Variants in ADAM33 observed in about 807,000 individuals in gnomAD.
ADAM33 encodes disintegrin and metalloproteinase domain-containing protein 33.
ADAM33 carries 103 observed loss-of-function variants against 106.2 expected under a neutral mutation model. The observed-to-expected ratio is 0.97, with a 90% confidence interval of 0.83 to 1.14. The LOEUF (loss-of-function observed/expected upper bound fraction) is 1.14, where lower values mean the gene tolerates loss of function less well. Among genes scored for constraint, ADAM33 ranks in the 50% most tolerant of loss-of-function variants. The probability of loss-of-function intolerance (pLI) is 0.00; values close to 1 mark genes in which losing one functional copy is unlikely to be tolerated. For synonymous variants in ADAM33, 483 were observed against 453.0 expected, an observed-to-expected ratio of 1.07 and a Z score of -0.84; for missense variants, 1,120 against 1,096.6, an observed-to-expected ratio of 1.02 and a Z score of -0.30.
At chr20:3,670,116 G>A (rs554019852) in intron 19 of ADAM33, 2 of 206,396 alleles carry the variant, frequency 9.7e-6, no homozygotes, top group Non-Finnish European at 2.0e-5. Flanking sequence ...CTCCCGCCTG[G>A]GGATGAGAAG....
Position 3,672,731 on chromosome 20 carries a change from C to G in ADAM33, c.1301G>C (p.Gly434Ala), listed in dbSNP as rs748244032. 12 of 1,575,722 alleles carry G rather than the reference C, an allele frequency of 7.6e-6. No individual in the cohort carries two copies. In the East Asian group the frequency reaches 1.6e-4, roughly 21 times the overall value. The change falls in exon 12 of 22, where the codon GGC becomes GCC. Residue 434 changes from glycine to alanine, a missense_variant. By Grantham distance (60) the Gly-to-Ala change is moderately conservative. Transcript: ENST00000356518. Reference protein sequence around the residue: ...FVEAGEECDCGPGQECRDLCC... With the variant: ...FVEAGEECDCAPGQECRDLCC... ...GCGAGCCGACTTAACCTGGCCAGGG[C>G]CGCAGTCACACTCCTCGCCCGCTTC...
intron 1 of ADAM33, 139 bp downstream of exon 1, chr20:3,681,769 A>G: frequency 7.6e-7 from 1 of 1,312,712 alleles, no homozygotes; most frequent in Non-Finnish European, 9.9e-7. Context: ...AAGAGTCCCC[A>G]CGCCCTGACC....
intron 1 of ADAM33, 74 bp from the exon 2 acceptor site, chr20:3,679,645 G>A: frequency 2.9e-6 from 4 of 1,370,296 alleles, no homozygotes; most frequent in East Asian, 2.5e-5. Flanking sequence ...AGAGGGAGGG[G>A]GGTAGAGGAC....
At position 3,672,580 on chromosome 20, in the gene ADAM33, G is replaced by C; in HGVS notation, c.1358C>G (p.Pro453Arg). ...CCFAHNCSLRPGAQCAHGDCC... is the reference protein window; with the variant it reads ...CCFAHNCSLRRGAQCAHGDCC... Reference sequence around the variant, plus strand: ...GTCCCCGTGGGCGCACTGGGCCCCCGGGCGCAGCGAGCAGTTGTGAGCAAA... The same window carrying C: ...GTCCCCGTGGGCGCACTGGGCCCCCCGGCGCAGCGAGCAGTTGTGAGCAAA... Residue 453 changes from proline (P) to arginine (R), a missense_variant, in exon 13 of 22, where the codon CCG becomes CGG. Physicochemically the swap from Pro to Arg is moderately radical, Grantham distance 103. Transcript: ENST00000356518. 3.1e-6 allele frequency: 5 copies of C among 1,613,578 alleles called. No homozygotes were observed. The highest frequency in any genetic ancestry group is 1.1e-5 in the South Asian group (1 of 91,072).
In ADAM33 at chr20:3,674,803, C is replaced by G; in HGVS notation, c.380G>C (p.Trp127Ser). The stretch of plus-strand genomic sequence containing the variant: ...CCCAGAGCAGGTGCAGAGGACTACC[C>G]AGGAGTCGGGGAAGCCCCTTACTCG... The part of the protein sequence containing the change: ...QGRVRGFPDS[W>S]VVLCTCSGMS... The change falls in exon 5 of 22, where the codon TGG becomes TCG. Residue 127 changes from tryptophan (W) to serine (S), a missense_variant. By Grantham distance (177) the Trp-to-Ser change is radical. Coordinates refer to ENST00000356518, the MANE Select transcript of ADAM33 (RefSeq NM_025220.5). 6.2e-7 allele frequency: 1 copy of G among 1,611,162 alleles called. No individual in the cohort carries two copies. The highest frequency in any genetic ancestry group is 2.2e-5 in the East Asian group (1 of 44,866).
intron 1 of ADAM33, 131 bp downstream of exon 1, chr20:3,681,777 A>AC: frequency 1.5e-6 from 2 of 1,340,748 alleles, no homozygotes; most frequent in Non-Finnish European, 1.9e-6. Flanking sequence ...CCACGCCCTG[A>AC]CCTACTGGCC....
In ADAM33 at chr20:3,675,786, A is replaced by G. The variant is rs2087902712; in HGVS notation, c.255-681T>C. ...ACACGGATGGATCAATCATAAGTCA[A>G]TCTGTCTTCTTTAAAGAAAATCCTT... On this transcript the variant is annotated intron_variant, in intron 3 of 21. Coordinates refer to ENST00000356518, the MANE Select transcript of ADAM33 (RefSeq NM_025220.5). The surrounding 1 kb of genome is among the most constrained non-coding windows in gnomAD (Gnocchi z 4.1). Among the ~76,000 whole-genome samples the G allele has an allele frequency of 6.6e-6, 1 of 152,102 alleles. No individual in the cohort carries two copies. The highest frequency in any genetic ancestry group is 1.5e-5 in the Non-Finnish European group (1 of 68,018).
At chr20:3,673,296 C>G in intron 11 of ADAM33, 58 bp downstream of exon 11, 5 of 1,534,780 alleles carry the variant, frequency 3.3e-6, no homozygotes, top group Non-Finnish European at 4.4e-6. Context: ...AGAAACGCAG[C>G]GGAGGAAGTC....
intron 11 of ADAM33, 98 bp from the exon 12 acceptor site, chr20:3,672,996 G>A (rs944904113): frequency 1.0e-5 from 15 of 1,439,380 alleles, no homozygotes; most frequent in Admixed American, 2.8e-5. Flanking sequence ...GCCGCCAGAC[G>A]CGCAGAGCCC....
chr20:3,681,149 T>A (rs2088457372), intron 1 of ADAM33, among the ~76,000 whole-genome samples: 1 of 152,146 alleles, frequency 6.6e-6, no homozygotes, highest in Non-Finnish European at 1.5e-5. Context: ...CCCTCCCTGG[T>A]TGCCCTCCCT....
chr20:3,679,048 C>T (rs2088218404), intron 2 of ADAM33, among the ~76,000 whole-genome samples: 2 of 151,866 alleles, frequency 1.3e-5, no homozygotes, highest in African/African-American at 4.8e-5. Context: ...AAGGTTCAGG[C>T]CTTCGTGGCA....
In ADAM33 at chr20:3,673,910, A is replaced by C; in HGVS notation, c.740T>G (p.Leu247Arg). 6.4e-7 allele frequency: 1 copy of C among 1,567,266 alleles called. No homozygotes were observed. The highest frequency in any genetic ancestry group is 1.2e-5 in the South Asian group (1 of 85,530). Residue 247 changes from leucine (L) to arginine (R), a missense_variant and splice_region_variant, in exon 9 of 22, where the codon CTT (leucine) becomes CGT (arginine). By Grantham distance (102) the Leu-to-Arg change is moderately radical (BLOSUM62 -2). Coordinates refer to ENST00000356518, the MANE Select transcript of ADAM33 (RefSeq NM_025220.5). ...CACCTGAATGTCCAGAGTCCTGAGAAGCTGAGGGCGAGGCGGGGCTGAAGC... is the reference window on the plus strand; with the variant it reads ...CACCTGAATGTCCAGAGTCCTGAGACGCTGAGGGCGAGGCGGGGCTGAAGC... ...LLEVANYVDQLLRTLDIQVAL... is the reference protein window; with the variant it reads ...LLEVANYVDQRLRTLDIQVAL...
intron 20 of ADAM33, 49 bp from the exon 21 acceptor site, chr20:3,669,419 C>A (rs630712): frequency 0.87 from 1,363,110 of 1,570,090 alleles, 593,534 homozygotes; most frequent in African/African-American, 0.93. Flanking sequence ...TCAGCAGGAG[C>A]CCCTGGGGCT....
At chr20:3,676,217 C>T (rs974730822) in intron 3 of ADAM33, among the ~76,000 whole-genome samples, 2 of 152,096 alleles carry the variant, frequency 1.3e-5, no homozygotes, top group Non-Finnish European at 2.9e-5. Context: ...CTGCCTGTCC[C>T]TTCCCCAGCT....
In ADAM33 at chr20:3,674,285, C is replaced by T. The variant is rs1568810380; in HGVS notation, c.601-1G>A. 3 of 1,613,906 alleles carry T rather than the reference C, an allele frequency of 1.9e-6. No homozygotes were observed. The highest frequency in any genetic ancestry group is 2.2e-5 in the East Asian group (1 of 44,888). ...GGGTCCTGCGCGCTTCTCGCCTGCC[C>T]TGCGGAGGTGCAAATGGGGACCCTG... is the stretch of plus-strand genomic sequence containing the variant. On this transcript the variant is annotated splice_acceptor_variant, in intron 6 of 21. Transcript: ENST00000356518. LOFTEE classifies it high-confidence loss of function.
intron 19 of ADAM33, chr20:3,670,695 A>C: frequency 2.8e-6 from 1 of 354,574 alleles, no homozygotes; most frequent in Non-Finnish European, 5.2e-6. Flanking sequence ...TGAGCCAGGG[A>C]AAAACAGGGC....
intron 3 of ADAM33, among the ~76,000 whole-genome samples, chr20:3,676,079 A>G (rs1438849940): frequency 6.6e-6 from 1 of 152,248 alleles, no homozygotes; most frequent in Admixed American, 6.5e-5. Flanking sequence ...AGTGCTCAGA[A>G]CAGCGCCTGC....
rs960541934 is a variant in ADAM33, at chr20:3,675,187, T to C, written c.255-82A>G. ...ATGTCTCCCAGCCTTCCTCCCTAAA[T>C]GCTAATGGAGCAGCTTTATGAGTGA... On this transcript the variant is annotated intron_variant, in intron 3 of 21. Coordinates refer to ENST00000356518, the MANE Select transcript of ADAM33 (RefSeq NM_025220.5). This position sits in a 1 kb window ranked among gnomAD's most constrained non-coding sequence, Gnocchi z 4.1. 9.3e-7 allele frequency: 1 copy of C among 1,074,320 alleles called. No individual in the cohort carries two copies. Among genetic ancestry groups the C allele is most frequent in the East Asian group, 2.4e-5 (1 of 41,364 alleles). 66.5% of individuals were successfully genotyped at this position (1,074,320 alleles called of 1,614,324 possible). A position where few individuals can be genotyped will look rare whatever the true frequency, so the allele number is the denominator to read the frequency against.
At chr20:3,673,225 T>A in intron 11 of ADAM33, 129 bp downstream of exon 11, 1 of 1,533,602 alleles carries the variant, frequency 6.5e-7, no homozygotes, top group Non-Finnish European at 8.7e-7. Context: ...TAAACCACCC[T>A]GAAGCGGACA....
Sources: allele counts gnomAD v4.1 joint callset (sites outside exome capture counted in the v4.1 genomes callset), GRCh38; gene constraint gnomAD v4.1.1; non-coding constraint Gnocchi (gnomAD v3.1); transcripts MANE v1.5; gene names NCBI Gene and HGNC (gene_info 2026-07-23, HGNC 2026-07-21).